Variants in FRMD4B observed in about 807,000 individuals in gnomAD.
FRMD4B encodes the protein FERM domain-containing protein 4B.
In FRMD4B, 74 loss-of-function variants were observed where a neutral mutation model predicts 141.5. The observed-to-expected ratio is 0.52, with a 90% CI of 0.43 to 0.63. The LOEUF (loss-of-function observed/expected upper bound fraction) is 0.63, where lower values mean the gene tolerates loss of function less well. FRMD4B is among the 30% of genes least tolerant of loss of function. The pLI, the probability that FRMD4B is intolerant of heterozygous loss-of-function variation, is 0.00. For synonymous variants in FRMD4B, 506 were observed against 467.9 expected (o/e 1.08, Z -1.05); for missense variants, 1,366 against 1,253.4 (o/e 1.09, Z -1.36).
intron 1 of FRMD4B, among the ~76,000 whole-genome samples, chr3:69,457,578 C>G (rs890957249): frequency 6.6e-6 from 1 of 152,118 alleles, no homozygotes; most frequent in Non-Finnish European, 1.5e-5. Context: ...TGGCCGAGGT[C>G]GAAGTGTTAA....
intron 1 of FRMD4B, chr3:69,471,428 C>T (rs1027185339): frequency 4.0e-6 from 1 of 247,092 alleles, no homozygotes; most frequent in African/African-American, 2.3e-5. Context: ...GCCCTTATCA[C>T]TATATTGCTG....
At chr3:69,476,235 T>G (rs1220350357) in intron 1 of FRMD4B, among the ~76,000 whole-genome samples, 1 of 152,040 alleles carries the variant, frequency 6.6e-6, no homozygotes, top group African/African-American at 2.4e-5. Context: ...ATTTTGGCTT[T>G]TGTTGCCATT....
At chr3:69,295,625 C>T (rs945488184) in intron 4 of FRMD4B, among the ~76,000 whole-genome samples, 3 of 151,826 alleles carry the variant, frequency 2.0e-5, no homozygotes, top group Non-Finnish European at 4.4e-5. Flanking sequence ...GGCCTGGGAG[C>T]ATCATTGACG....
chr3:69,540,090 G>GCT (rs1701149171), intron 1 of FRMD4B, among the ~76,000 whole-genome samples: 1 of 152,154 alleles, frequency 6.6e-6, no homozygotes. Context: ...CTACAAGGGA[G>GCT]GTTGAGGGAA....
chr3:69,260,133 G>T (rs891024354), intron 5 of FRMD4B, among the ~76,000 whole-genome samples: 1 of 151,986 alleles, frequency 6.6e-6, no homozygotes, highest in Non-Finnish European at 1.5e-5. Flanking sequence ...GCTCGCTCTC[G>T]GTGCCTCCTT....
chr3:69,216,833 T>A (rs891876813), intron 10 of FRMD4B, among the ~76,000 whole-genome samples: 2 of 152,202 alleles, frequency 1.3e-5, no homozygotes, highest in African/African-American at 4.8e-5. Flanking sequence ...TGGAGTTTCT[T>A]CAAATAAAAT....
At chr3:69,304,877 G>C (rs1701342643) in intron 3 of FRMD4B, among the ~76,000 whole-genome samples, 1 of 152,050 alleles carries the variant, frequency 6.6e-6, no homozygotes, top group Non-Finnish European at 1.5e-5. Flanking sequence ...ACCTATTTTG[G>C]TCCTTGAGTA....
intron 5 of FRMD4B, among the ~76,000 whole-genome samples, chr3:69,271,279 G>C (rs1261430210): frequency 6.6e-6 from 1 of 152,234 alleles, no homozygotes; most frequent in East Asian, 1.9e-4. Flanking sequence ...CGATATACCA[G>C]TGAACAAATA....
At chr3:69,210,216 C>T (rs777457921) in intron 11 of FRMD4B, among the ~76,000 whole-genome samples, 1 of 152,218 alleles carries the variant, frequency 6.6e-6, no homozygotes, top group African/African-American at 2.4e-5. Context: ...ACTATGGACA[C>T]CTCGACAGTA....
At chr3:69,539,393 G>A (rs917515559) in intron 1 of FRMD4B, among the ~76,000 whole-genome samples, 1 of 152,154 alleles carries the variant, frequency 6.6e-6, no homozygotes, top group African/African-American at 2.4e-5. Flanking sequence ...CTTGGGAGTG[G>A]CTGTGAAGTT....
intron 1 of FRMD4B, among the ~76,000 whole-genome samples, chr3:69,352,982 A>T (rs893268675): frequency 6.6e-6 from 1 of 152,216 alleles, no homozygotes; most frequent in African/African-American, 2.4e-5. Flanking sequence ...TTGCTGATGA[A>T]ACGATGAACA....
chr3:69,406,402 T>C (rs1258109927), intron 2 of FRMD4B, among the ~76,000 whole-genome samples: 2 of 152,220 alleles, frequency 1.3e-5, no homozygotes, highest in Non-Finnish European at 2.9e-5. Context: ...TCCCAGTTAA[T>C]AGCTGTCATT....
intron 1 of FRMD4B, among the ~76,000 whole-genome samples, chr3:69,453,007 A>G (rs1046498861): frequency 2.0e-5 from 3 of 152,228 alleles, no homozygotes; most frequent in Non-Finnish European, 2.9e-5. Flanking sequence ...TGTGTGCTTT[A>G]TATTTACACT....
intron 5 of FRMD4B, among the ~76,000 whole-genome samples, chr3:69,286,886 C>A (rs1305124644): frequency 6.6e-6 from 1 of 152,226 alleles, no homozygotes; most frequent in Non-Finnish European, 1.5e-5. Context: ...CTCACTGCAA[C>A]CTCTGCCTCC....
chr3:69,241,634 A>G (rs1405843801), intron 7 of FRMD4B, among the ~76,000 whole-genome samples: 1 of 152,140 alleles, frequency 6.6e-6, no homozygotes, highest in Admixed American at 6.5e-5. Context: ...AGTCGCTCAC[A>G]CCTGTAATCC....
intron 11 of FRMD4B, chr3:69,200,873 C>A: frequency 2.2e-6 from 1 of 459,808 alleles, no homozygotes; most frequent in Non-Finnish European, 4.3e-6. Context: ...TTTTCCTTTG[C>A]GTCCATTCCC....
chr3:69,347,043 G>A (rs935403491), intron 1 of FRMD4B, among the ~76,000 whole-genome samples: 4 of 152,200 alleles, frequency 2.6e-5, no homozygotes, highest in African/African-American at 9.7e-5. Flanking sequence ...TGGCAAATTG[G>A]ATAAAGAGTC....
intron 5 of FRMD4B, among the ~76,000 whole-genome samples, chr3:69,284,428 A>G (rs2093658152): frequency 6.6e-6 from 1 of 152,142 alleles, no homozygotes; most frequent in South Asian, 2.1e-4. Flanking sequence ...AAAACTCATA[A>G]TTCATGGGGC....
chr3:69,374,797 T>A (rs1703921839), intron 1 of FRMD4B, among the ~76,000 whole-genome samples: 1 of 152,224 alleles, frequency 6.6e-6, no homozygotes, highest in South Asian at 2.1e-4. Context: ...GTCTACACAG[T>A]GGTCAGTGGG....
Sources: allele counts gnomAD v4.1 joint callset (sites outside exome capture counted in the v4.1 genomes callset), GRCh38; gene constraint gnomAD v4.1.1; transcripts MANE v1.5; gene names NCBI Gene and HGNC (gene_info 2026-07-23, HGNC 2026-07-21).